The following CDH13 variants were observed in gnomAD, a reference collection of about 807,000 sequenced individuals.
CDH13 encodes the protein cadherin 13.
In CDH13, 24 loss-of-function variants were observed where a neutral mutation model predicts 63.8. The ratio of observed to expected loss-of-function variants is 0.38; its 90% confidence interval spans 0.27 to 0.53. The LOEUF (loss-of-function observed/expected upper bound fraction) is 0.53. Among genes scored for constraint, CDH13 ranks in the 20% least tolerant of loss-of-function variants. The pLI, the probability that CDH13 is intolerant of heterozygous loss-of-function variation, is 0.85. For synonymous variants in CDH13, 503 were observed against 355.3 expected, an observed-to-expected ratio of 1.42 and a Z score of -4.67; for missense variants, 1,049 against 903.1, an observed-to-expected ratio of 1.16 and a Z score of -2.07.
At chr16:82,962,833 A>C (rs1377570235) in intron 2 of CDH13, among the ~76,000 whole-genome samples, 1 of 151,702 alleles carries the variant, frequency 6.6e-6, no homozygotes, top group Admixed American at 6.5e-5. Context: ...AAATAGAAAC[A>C]AACTTAAACT....
intron 1 of CDH13, among the ~76,000 whole-genome samples, chr16:82,685,748 T>C (rs1915003183): frequency 6.6e-6 from 1 of 152,206 alleles, no homozygotes; most frequent in Non-Finnish European, 1.5e-5. Flanking sequence ...GGCTTTTATC[T>C]CTTCCTATGT....
At chr16:83,165,801 T>C (rs2037639280) in intron 4 of CDH13, among the ~76,000 whole-genome samples, 1 of 151,968 alleles carries the variant, frequency 6.6e-6, no homozygotes, top group South Asian at 2.1e-4. Flanking sequence ...AACTAGCAAA[T>C]GGAGACTCTA....
intron 5 of CDH13, among the ~76,000 whole-genome samples, chr16:83,311,222 C>A (rs2089993075): frequency 6.6e-6 from 1 of 152,144 alleles, no homozygotes; most frequent in Non-Finnish European, 1.5e-5. Context: ...GGTTGTCTGT[C>A]CCCATTCCTC....
chr16:82,739,938 A>G (rs1032858695), intron 1 of CDH13, among the ~76,000 whole-genome samples: 1 of 152,250 alleles, frequency 6.6e-6, no homozygotes, highest in African/African-American at 2.4e-5. Flanking sequence ...TCAAACACAT[A>G]GATTCTACAT....
intron 8 of CDH13, among the ~76,000 whole-genome samples, chr16:83,646,712 A>AAAACAC (rs1168012793): frequency 3.2e-4 from 26 of 80,520 alleles, no homozygotes; most frequent in African/African-American, 8.1e-4. Context: ...AAAAAAAAAA[A>AAAACAC]ACACACACAC....
At chr16:83,393,960 C>T (rs1422843246) in intron 6 of CDH13, among the ~76,000 whole-genome samples, 3 of 152,026 alleles carry the variant, frequency 2.0e-5, no homozygotes, top group Non-Finnish European at 4.4e-5. Context: ...CATGGATGGA[C>T]CTGGAGGTCA....
intron 4 of CDH13, among the ~76,000 whole-genome samples, chr16:83,165,510 G>A (rs549627319): frequency 6.6e-6 from 1 of 152,206 alleles, no homozygotes; most frequent in African/African-American, 2.4e-5. Flanking sequence ...CTGCAGAGGA[G>A]GGTGCTAAGT....
chr16:83,344,811 T>C, intron 5 of CDH13, 51 bp from the exon 6 acceptor site: 1 of 1,594,906 alleles, frequency 6.3e-7, no homozygotes, highest in Non-Finnish European at 8.6e-7. Context: ...TATTTGAATT[T>C]TCATAATGAA....
At chr16:83,507,612 C>G (rs113419683) in intron 7 of CDH13, among the ~76,000 whole-genome samples, 1 of 152,222 alleles carries the variant, frequency 6.6e-6, no homozygotes, top group Admixed American at 6.5e-5. Context: ...CTGTTAATAT[C>G]TAATGCTAGC....
At chr16:83,558,410 G>A (rs9937126) in intron 7 of CDH13, among the ~76,000 whole-genome samples, 113,307 of 152,130 alleles carry the variant, frequency 0.74, 42,107 homozygotes, top group Middle Eastern at 0.79. Context: ...ATCTAGATTT[G>A]TCTGTTATGT....
intron 2 of CDH13, among the ~76,000 whole-genome samples, chr16:83,018,800 C>T (rs1915061121): frequency 6.6e-6 from 1 of 152,198 alleles, no homozygotes; most frequent in African/African-American, 2.4e-5. Flanking sequence ...GTACTGAGTG[C>T]TATAGGCAAT....
At chr16:83,651,982 G>C (rs994282186) in intron 8 of CDH13, among the ~76,000 whole-genome samples, 1 of 152,176 alleles carries the variant, frequency 6.6e-6, no homozygotes, top group Non-Finnish European at 1.5e-5. Flanking sequence ...CCTGTGATGA[G>C]AGCCCAGGAG....
chr16:82,701,175 C>G (rs74028558), intron 1 of CDH13, among the ~76,000 whole-genome samples: 1 of 152,044 alleles, frequency 6.6e-6, no homozygotes, highest in Non-Finnish European at 1.5e-5. Context: ...TCACCTTCTA[C>G]TAATATTAGC....
chr16:82,969,478 C>CTTTTTTTT (rs10652088), intron 2 of CDH13, among the ~76,000 whole-genome samples: 1 of 131,188 alleles, frequency 7.6e-6, no homozygotes. Flanking sequence ...TCTGCATATT[C>CTTTTTTTT]TTTTTTTTTT....
chr16:83,368,230 T>G (rs892631832), intron 6 of CDH13, among the ~76,000 whole-genome samples: 1 of 152,206 alleles, frequency 6.6e-6, no homozygotes, highest in African/African-American at 2.4e-5. Context: ...GAGCCCAACA[T>G]TCATATTCTG....
intron 3 of CDH13, among the ~76,000 whole-genome samples, chr16:83,087,531 G>A (rs906817985): frequency 7.9e-5 from 12 of 151,812 alleles, no homozygotes; most frequent in African/African-American, 1.5e-4. Flanking sequence ...AGCCAGGTGC[G>A]GTGGCATGTG....
chr16:83,750,272 G>A (rs1253158415), intron 11 of CDH13, among the ~76,000 whole-genome samples: 1 of 152,066 alleles, frequency 6.6e-6, no homozygotes, highest in African/African-American at 2.4e-5. Flanking sequence ...CTCCAGCCGG[G>A]GTGACAGAGT....
Position 82,733,491 on chromosome 16 carries a change from T to C in CDH13, c.45+106354T>C, listed in dbSNP as rs193165422. 2.0e-5 allele frequency among the ~76,000 whole-genome samples: 3 copies of C among 152,122 alleles called. No individual in the cohort carries two copies. In the East Asian group the frequency reaches 5.8e-4, roughly 29 times the overall value. ...GAAGAATACTAACCAAGGGAAAGAG[T>C]TCATGATTTGGCTGTGTAGAGCTCT... On this transcript the variant is annotated intron_variant, in intron 1 of 13. Transcript: ENST00000567109.
At chr16:83,113,991 C>G (rs761941596) in intron 3 of CDH13, among the ~76,000 whole-genome samples, 26 of 152,170 alleles carry the variant, frequency 1.7e-4, no homozygotes, top group Non-Finnish European at 3.4e-4. Context: ...AAAGATCTCG[C>G]TGGCTGCTGA....
Sources: gnomAD v4.1 joint callset for allele counts (sites outside exome capture counted in the v4.1 genomes callset) on GRCh38, gnomAD v4.1.1 for gene constraint, MANE v1.5 for transcripts, NCBI Gene and HGNC (gene_info 2026-07-23, HGNC 2026-07-21) for gene names.